Variants in SOX5 observed in about 807,000 individuals in gnomAD.
SOX5 encodes transcription factor SOX-5.
A neutral mutation model predicts 92.0 loss-of-function variants in SOX5; 9 were observed. The ratio of observed to expected loss-of-function variants is 0.10; its 90% CI spans 0.06 to 0.17. The LOEUF (loss-of-function observed/expected upper bound fraction) is 0.17, where lower values mean the gene tolerates loss of function less well. SOX5 is among the 10% of genes least tolerant of loss of function. SOX5 has a pLI of 1.00. For synonymous variants in SOX5, 344 were observed against 336.3 expected (o/e 1.02, Z -0.25); for missense variants, 642 against 944.5 (o/e 0.68, Z 4.20).
At chr12:23,791,154 A>C (rs1323189226) in intron 3 of SOX5, among the ~76,000 whole-genome samples, 3 of 152,260 alleles carry the variant, frequency 2.0e-5, no homozygotes, top group Non-Finnish European at 4.4e-5. Flanking sequence ...CCACAGGTGT[A>C]GAAGATGACA....
chr12:24,442,213 T>G (rs1940726970), intron 1 of SOX5, among the ~76,000 whole-genome samples: 1 of 152,224 alleles, frequency 6.6e-6, no homozygotes, highest in South Asian at 2.1e-4. Flanking sequence ...TCCTAACTCA[T>G]TTAGAGTATA....
intron 3 of SOX5, among the ~76,000 whole-genome samples, chr12:24,221,707 C>T (rs1960485192): frequency 6.6e-6 from 1 of 152,074 alleles, no homozygotes; most frequent in Non-Finnish European, 1.5e-5. Flanking sequence ...TAAAGAAAGA[C>T]AAGAATACAA....
chr12:23,536,632 C>T lies in SOX5; in HGVS notation c.1809G>A (p.Gln603=). The T allele has an allele frequency of 6.2e-7, 1 of 1,614,108 alleles. No homozygotes were observed. Among genetic ancestry groups the T allele is most frequent in the Non-Finnish European group, 8.5e-7 (1 of 1,180,002 alleles). ...GACGGGCTTGCTCCTCATAATATGG[C>T]TGTTTCTCTAGGTTTGTCATAGCTT... is the stretch of plus-strand genomic sequence containing the variant. ...RWKAMTNLEK[Q]PYYEEQARLS... Residue 603 remains glutamine (Q), a synonymous_variant, in exon 14 of 15, where the codon CAG becomes CAA. Coordinates refer to ENST00000451604, the MANE Select transcript of SOX5 (RefSeq NM_006940.6).
chr12:24,232,634 A>G (rs1460211505), intron 3 of SOX5, among the ~76,000 whole-genome samples: 2 of 152,172 alleles, frequency 1.3e-5, no homozygotes, highest in Non-Finnish European at 2.9e-5. Context: ...GATATGAGTC[A>G]AACCTCCTGA....
At chr12:23,792,682 T>C (rs1232993704) in intron 3 of SOX5, among the ~76,000 whole-genome samples, 7 of 116,322 alleles carry the variant, frequency 6.0e-5, no homozygotes, top group African/African-American at 2.1e-4. Flanking sequence ...AGCACTGCGA[T>C]ATGGAGCAGT....
chr12:23,702,995 C>A (rs371573440), intron 6 of SOX5, among the ~76,000 whole-genome samples: 16 of 151,946 alleles, frequency 1.1e-4, no homozygotes, highest in African/African-American at 3.9e-4. Flanking sequence ...AAGACTGAAT[C>A]TTGTAAAGAG....
intron 4 of SOX5, among the ~76,000 whole-genome samples, chr12:23,744,168 A>C (rs1482632393): frequency 6.6e-6 from 1 of 152,076 alleles, no homozygotes; most frequent in East Asian, 1.9e-4. Context: ...CTCTTCTGCC[A>C]CCCATGAATG....
intron 4 of SOX5, among the ~76,000 whole-genome samples, chr12:24,079,336 C>T (rs917878200): frequency 3.9e-5 from 6 of 151,938 alleles, no homozygotes; most frequent in Admixed American, 3.3e-4. Flanking sequence ...AGGGAACCAT[C>T]TAACTGTTAA....
At chr12:23,974,692 A>T (rs1948718156) in intron 4 of SOX5, among the ~76,000 whole-genome samples, 1 of 152,184 alleles carries the variant, frequency 6.6e-6, no homozygotes, top group African/African-American at 2.4e-5. Flanking sequence ...TTGCAAGAAA[A>T]TATAAGGGAA....
At chr12:23,684,930 A>G (rs1402535638) in intron 6 of SOX5, among the ~76,000 whole-genome samples, 1 of 152,154 alleles carries the variant, frequency 6.6e-6, no homozygotes, top group Non-Finnish European at 1.5e-5. Flanking sequence ...TCAGAATGGA[A>G]AAGTGTGGGC....
At chr12:23,534,973 G>C (rs924389915) in intron 14 of SOX5, among the ~76,000 whole-genome samples, 4 of 152,076 alleles carry the variant, frequency 2.6e-5, no homozygotes, top group Admixed American at 2.0e-4. Context: ...GCCTCCCAAA[G>C]TGTTGGGATT....
At chr12:23,578,880 GA>G (rs1949638077) in intron 9 of SOX5, among the ~76,000 whole-genome samples, 1 of 152,150 alleles carries the variant, frequency 6.6e-6, no homozygotes, top group African/African-American at 2.4e-5. Context: ...AAAGTTTTGG[GA>G]GATGCTTGGA....
At chr12:23,879,811 C>T (rs563127601) in intron 2 of SOX5, among the ~76,000 whole-genome samples, 265 of 152,206 alleles carry the variant, frequency 1.7e-3, no homozygotes, top group Non-Finnish European at 3.0e-3. Context: ...GAGAACTGAA[C>T]CCCACTCTTA....
chr12:23,627,248 T>C (rs1170743514), intron 8 of SOX5, among the ~76,000 whole-genome samples: 1 of 152,192 alleles, frequency 6.6e-6, no homozygotes, highest in African/African-American at 2.4e-5. Context: ...TATTTGTATT[T>C]TTAGTAAGAA....
chr12:23,849,815 C>A (rs1178161432), intron 2 of SOX5, among the ~76,000 whole-genome samples: 2 of 151,732 alleles, frequency 1.3e-5, no homozygotes, highest in African/African-American at 2.4e-5. Context: ...TTATTTAAAC[C>A]AAATATATAG....
chr12:23,995,404 T>C (rs561649754), intron 4 of SOX5, among the ~76,000 whole-genome samples: 20 of 152,238 alleles, frequency 1.3e-4, no homozygotes, highest in African/African-American at 4.8e-4. Flanking sequence ...ATTATTAAGA[T>C]AGTAATAGGG....
intron 9 of SOX5, among the ~76,000 whole-genome samples, chr12:23,596,174 A>C (rs997645203): frequency 6.6e-6 from 1 of 152,204 alleles, no homozygotes; most frequent in Admixed American, 6.5e-5. Context: ...TTCAGTTTAG[A>C]ATATTACATG....
At chr12:24,505,852 T>TGTGC (rs1252814448) in intron 1 of SOX5, among the ~76,000 whole-genome samples, 3,114 of 146,280 alleles carry the variant, frequency 0.021, 78 homozygotes, top group Admixed American at 0.092. Context: ...TGTGTGTGTG[T>TGTGC]GCGTGTGTGT....
In SOX5 at chr12:24,005,184, T is replaced by TA. The variant is rs569552268; in HGVS notation, c.-1-109161dup. On this transcript the variant is annotated intron_variant, in intron 4 of 4. Coordinates refer to the SOX5 transcript ENST00000446891. ...AGGTAGCACAGCTCTATAAACTTAC[T>TA]AAAAAAAAAAAAATCACTGAATTGT... Among the ~76,000 whole-genome samples, 363 of 140,130 alleles carry TA rather than the reference T, an allele frequency of 2.6e-3. 1 individual carries two copies. Among genetic ancestry groups the TA allele is most frequent in the African/African-American group, 4.4e-3 (170 of 38,464 alleles). 91.9% of individuals were successfully genotyped at this position (140,130 alleles called of 152,430 possible).
Sources: allele counts gnomAD v4.1 joint callset (sites outside exome capture counted in the v4.1 genomes callset), GRCh38; gene constraint gnomAD v4.1.1; transcripts MANE v1.5; gene names NCBI Gene and HGNC (gene_info 2026-07-23, HGNC 2026-07-21).